The following RYR3 variants were observed in gnomAD, a reference collection of about 807,000 sequenced individuals.
RYR3 encodes the protein ryanodine receptor 3.
In RYR3, 207 loss-of-function variants were observed where a neutral mutation model predicts 584.3. The observed-to-expected ratio is 0.35, with a 90% CI of 0.32 to 0.40. The LOEUF is 0.40. RYR3 is among the 10% of genes least tolerant of loss of function. RYR3 has a pLI of 1.00. For missense variants in RYR3, 5,616 were observed against 6,089.2 expected (o/e 0.92, Z 2.59); for synonymous variants, 2,416 against 2,248.5 (o/e 1.07, Z -2.11).
At chr15:33,706,032 T>G (rs1233197328) in intron 42 of RYR3, among the ~76,000 whole-genome samples, 1 of 152,180 alleles carries the variant, frequency 6.6e-6, no homozygotes, top group Non-Finnish European at 1.5e-5. Context: ...ATAATCAATC[T>G]TGTTAATCAC....
At chr15:33,793,369 A>G (rs12908009) in intron 67 of RYR3, among the ~76,000 whole-genome samples, 108,441 of 151,932 alleles carry the variant, frequency 0.71, 39,262 homozygotes, top group East Asian at 0.96. Flanking sequence ...AATCTTCAGC[A>G]CCTCCTGTCT....
intron 99 of RYR3, 96 bp downstream of exon 99, chr15:33,858,010 G>C: frequency 2.7e-6 from 4 of 1,475,648 alleles, no homozygotes; most frequent in Non-Finnish European, 3.7e-6. Flanking sequence ...GGGTGCTCTT[G>C]AGAACTGTAG....
chr15:33,661,266 A>G (rs2063145203), intron 34 of RYR3, among the ~76,000 whole-genome samples: 1 of 152,136 alleles, frequency 6.6e-6, no homozygotes, highest in Admixed American at 6.5e-5. Context: ...ACCCACACAA[A>G]CAAGGGAGCA....
intron 2 of RYR3, among the ~76,000 whole-genome samples, chr15:33,496,130 C>T (rs1048044009): frequency 6.6e-6 from 1 of 152,190 alleles, no homozygotes; most frequent in African/African-American, 2.4e-5. Flanking sequence ...CCTAGGAGAG[C>T]TTGAGAAGTC....
intron 1 of RYR3, among the ~76,000 whole-genome samples, chr15:33,332,362 G>A (rs1427991294): frequency 6.6e-6 from 1 of 152,032 alleles, no homozygotes; most frequent in Non-Finnish European, 1.5e-5. Flanking sequence ...AGAAGAAATT[G>A]TTAAATCCAC....
chr15:33,395,963 C>A (rs1164060062), intron 1 of RYR3, among the ~76,000 whole-genome samples: 1 of 152,196 alleles, frequency 6.6e-6, no homozygotes, highest in Non-Finnish European at 1.5e-5. Context: ...GAAACCCACG[C>A]ATACAGAGGG....
At chr15:33,729,131 A>G (rs997874396) in intron 47 of RYR3, 105 bp downstream of exon 47, 4 of 914,028 alleles carry the variant, frequency 4.4e-6, no homozygotes, top group Middle Eastern at 3.3e-4. Context: ...TTACATTTTA[A>G]TAGCTTACTT....
chr15:33,447,210 T>G (rs745784886), intron 1 of RYR3, among the ~76,000 whole-genome samples: 1 of 152,226 alleles, frequency 6.6e-6, no homozygotes, highest in Non-Finnish European at 1.5e-5. Context: ...AAAGGTAACC[T>G]TTTGTTCATT....
At position 33,724,162 on chromosome 15, in the gene RYR3, G is replaced by C; in HGVS notation, c.6898G>C (p.Ala2300Pro). The change falls in exon 45 of 104, where the codon GCT (alanine) becomes CCT (proline). Residue 2300 changes from alanine (A) to proline (P), a missense_variant. By Grantham distance (27) the Ala-to-Pro change is conservative (BLOSUM62 -1). Transcript: ENST00000634891. ...SALIDLLGRC[A>P]PEMHLIQTGK... is the part of the protein sequence containing the mutation. ...CCTTATAGATCTACTGGGCCGCTGT[G>C]CTCCTGAAATGCACGTAAGTGATAC... The C allele has an allele frequency of 1.2e-6, 2 of 1,601,420 alleles. No homozygotes were observed. The highest frequency in any genetic ancestry group is 1.7e-6 in the Non-Finnish European group (2 of 1,169,442).
rs750341002 is a variant in RYR3 at position 33,859,683 on chromosome 15, A to G, written c.14251A>G (p.Ile4751Val). The G allele has an allele frequency of 5.0e-6, 8 of 1,613,712 alleles. No homozygotes were observed. In the East Asian group the frequency reaches 1.8e-4, roughly 36 times the overall value. ...TGAAATGTATCGCATTGTCTTTGACATTACCTTTTTCTTCTTCGTCATTGT... is the reference window on the plus strand; with the variant it reads ...TGAAATGTATCGCATTGTCTTTGACGTTACCTTTTTCTTCTTCGTCATTGT... ...PYEMYRIVFD[I>V]TFFFFVIVIL... Residue 4751 changes from isoleucine to valine, a missense_variant, in exon 100 of 104, where the codon ATT becomes GTT. Ile to Val is a conservative substitution (Grantham distance 29). Transcript: ENST00000634891.
chr15:33,673,578 T>C (rs1027271411), intron 38 of RYR3, among the ~76,000 whole-genome samples: 1 of 152,260 alleles, frequency 6.6e-6, no homozygotes, highest in Non-Finnish European at 1.5e-5. Context: ...GTTTTGCTTG[T>C]TCCTTCTGGC....
chr15:33,826,174 A>G (rs2077369131), intron 82 of RYR3, 78 bp from the exon 83 acceptor site: 3 of 1,404,092 alleles, frequency 2.1e-6, no homozygotes, highest in Non-Finnish European at 3.0e-6. Flanking sequence ...TCACATAGCC[A>G]GTTTTAACTA....
intron 6 of RYR3, among the ~76,000 whole-genome samples, chr15:33,540,480 T>C (rs895389207): frequency 3.3e-5 from 5 of 152,138 alleles, no homozygotes; most frequent in Non-Finnish European, 1.5e-5. Flanking sequence ...GGGTAATTTT[T>C]CCCATTTGTG....
intron 93 of RYR3, among the ~76,000 whole-genome samples, chr15:33,847,998 A>T (rs1295402618): frequency 6.6e-6 from 1 of 152,226 alleles, no homozygotes. Flanking sequence ...CCTGGGGCTC[A>T]TCTAGGCGTG....
chr15:33,765,682 G>A (rs1297775511), intron 60 of RYR3, among the ~76,000 whole-genome samples: 1 of 148,030 alleles, frequency 6.8e-6, no homozygotes, highest in African/African-American at 2.5e-5. Context: ...GTCTAAAAAC[G>A]CTTTCCCTAG....
chr15:33,589,239 G>T (rs146989468), intron 16 of RYR3, among the ~76,000 whole-genome samples: 20 of 152,164 alleles, frequency 1.3e-4, no homozygotes, highest in Non-Finnish European at 2.5e-4. Flanking sequence ...TCATATGCTT[G>T]TTGGCCATTC....
chr15:33,418,123 A>G (rs1306763762), intron 1 of RYR3, among the ~76,000 whole-genome samples: 11 of 152,130 alleles, frequency 7.2e-5, no homozygotes, highest in Non-Finnish European at 1.5e-4. Flanking sequence ...ATATTGGACT[A>G]CATTCATTAG....
At chr15:33,825,717 T>A (rs1233247187) in intron 82 of RYR3, 41 bp downstream of exon 82, 4 of 1,007,230 alleles carry the variant, frequency 4.0e-6, no homozygotes, top group East Asian at 2.4e-5. Flanking sequence ...TCTTCCTGAT[T>A]AAAATCTTTT....
chr15:33,370,056 TG>T (rs1402607912), intron 1 of RYR3, among the ~76,000 whole-genome samples: 6 of 152,234 alleles, frequency 3.9e-5, no homozygotes, highest in African/African-American at 1.4e-4. Flanking sequence ...CTTATTTAAA[TG>T]TTTCTGTGCT....
Sources: allele counts gnomAD v4.1 joint callset (sites outside exome capture counted in the v4.1 genomes callset), GRCh38; gene constraint gnomAD v4.1.1; transcripts MANE v1.5; gene names NCBI Gene and HGNC (gene_info 2026-07-23, HGNC 2026-07-21).